The following SORCS3 variants were observed in gnomAD, a reference collection of about 807,000 sequenced individuals.
SORCS3 encodes sortilin related VPS10 domain containing receptor 3, also known as VPS10 domain-containing receptor SorCS3.
A neutral mutation model predicts 146.3 loss-of-function variants in SORCS3; 57 were observed. The ratio of observed to expected loss-of-function variants is 0.39; its 90% CI spans 0.31 to 0.49. The LOEUF is 0.49. Ranked by LOEUF, SORCS3 falls within the 20% of genes least tolerant of loss-of-function variation. The probability of loss-of-function intolerance (pLI) is 0.92; values close to 1 mark genes in which losing one functional copy is unlikely to be tolerated. For synonymous variants in SORCS3, 653 were observed against 618.5 expected (o/e 1.06, Z -0.83); for missense variants, 1,341 against 1,575.5 (o/e 0.85, Z 2.52).
chr10:104,765,669 A>T (rs1346473216), intron 1 of SORCS3, among the ~76,000 whole-genome samples: 2 of 152,220 alleles, frequency 1.3e-5, no homozygotes, highest in Non-Finnish European at 2.9e-5. Flanking sequence ...ATGCCGTTGG[A>T]TGGGGAGAAA....
At chr10:105,232,712 T>C (rs1213989516) in intron 20 of SORCS3, among the ~76,000 whole-genome samples, 1 of 152,082 alleles carries the variant, frequency 6.6e-6, no homozygotes, top group Non-Finnish European at 1.5e-5. Flanking sequence ...CCACAAATGT[T>C]AGATTTGTTA....
At chr10:104,807,183 CTGTGTGTGTGTGCGCA>C (rs1323051428) in intron 1 of SORCS3, among the ~76,000 whole-genome samples, 1 of 150,674 alleles carries the variant, frequency 6.6e-6, no homozygotes, top group Non-Finnish European at 1.5e-5. Context: ...TCCTTGCTCT[CTGTGTGTGTGTGCGCA>C]TGTGTGTGTG....
chr10:104,707,365 A>G (rs2016348040), intron 1 of SORCS3, among the ~76,000 whole-genome samples: 1 of 152,182 alleles, frequency 6.6e-6, no homozygotes. Flanking sequence ...TAAAAATGTG[A>G]TATTCTTATA....
At chr10:104,719,009 T>G (rs1349028166) in intron 1 of SORCS3, among the ~76,000 whole-genome samples, 1 of 152,178 alleles carries the variant, frequency 6.6e-6, no homozygotes, top group East Asian at 1.9e-4. Flanking sequence ...AAGAAACAAG[T>G]GAAATTAATT....
rs983764747 is a variant in SORCS3, at chr10:104,720,004, T to A, written c.627+78050T>A. 1.4e-4 allele frequency among the ~76,000 whole-genome samples: 22 copies of A among 152,134 alleles called. No homozygotes were observed. In the South Asian group the frequency reaches 4.0e-3, roughly 27 times the overall value. On this transcript the variant is annotated intron_variant, in intron 1 of 26. Transcript: ENST00000369701. Reference sequence around the variant, plus strand: ...TTTTTTTTTTTTTATACTTTAAGTTTTAGGGTACATGTGCACAACGTGCAG... The same window carrying A: ...TTTTTTTTTTTTTATACTTTAAGTTATAGGGTACATGTGCACAACGTGCAG...
intron 1 of SORCS3, among the ~76,000 whole-genome samples, chr10:104,750,252 A>G (rs893518207): frequency 7.2e-5 from 11 of 152,238 alleles, no homozygotes; most frequent in Admixed American, 5.9e-4. Context: ...TCATGCTAGC[A>G]TAAATCTTAC....
chr10:105,185,479 C>T (rs1389227246), intron 14 of SORCS3, among the ~76,000 whole-genome samples: 1 of 152,134 alleles, frequency 6.6e-6, no homozygotes, highest in Non-Finnish European at 1.5e-5. Flanking sequence ...CTCCGGCTGT[C>T]CCGTTTCACT....
At chr10:104,980,251 G>A (rs984203832) in intron 4 of SORCS3, among the ~76,000 whole-genome samples, 6 of 152,116 alleles carry the variant, frequency 3.9e-5, no homozygotes, top group East Asian at 3.9e-4. Flanking sequence ...CATCTTTTGC[G>A]TAAAGTGGCT....
intron 4 of SORCS3, among the ~76,000 whole-genome samples, chr10:104,990,303 G>A (rs1047368891): frequency 1.5e-4 from 23 of 152,146 alleles, no homozygotes; most frequent in Admixed American, 1.4e-3. Context: ...GGCCAGCTTC[G>A]TAGCACCACA....
At chr10:104,904,772 C>T (rs2018887135) in intron 2 of SORCS3, among the ~76,000 whole-genome samples, 1 of 137,022 alleles carries the variant, frequency 7.3e-6, no homozygotes, top group Admixed American at 6.9e-5. Context: ...TATGATGTGG[C>T]TATCTTGTGC....
At chr10:104,757,450 T>G (rs1023800862) in intron 1 of SORCS3, among the ~76,000 whole-genome samples, 1 of 152,216 alleles carries the variant, frequency 6.6e-6, no homozygotes, top group African/African-American at 2.4e-5. Context: ...CTTCAGACAC[T>G]AGGCAGGTAC....
intron 1 of SORCS3, among the ~76,000 whole-genome samples, chr10:104,651,235 T>G (rs972271069): frequency 2.6e-5 from 4 of 152,186 alleles, no homozygotes; most frequent in African/African-American, 9.7e-5. Context: ...GTTTGAAAGA[T>G]TTCTCAAAAC....
intron 3 of SORCS3, among the ~76,000 whole-genome samples, chr10:104,964,212 G>A (rs919620598): frequency 2.6e-5 from 4 of 152,170 alleles, no homozygotes; most frequent in Non-Finnish European, 4.4e-5. Context: ...TTGTGATAAA[G>A]CCAGAGTCCT....
chr10:105,168,352 C>T (rs537737437), intron 13 of SORCS3, among the ~76,000 whole-genome samples: 4 of 152,196 alleles, frequency 2.6e-5, no homozygotes, highest in East Asian at 1.9e-4. Flanking sequence ...ACGATGACAA[C>T]GATGACGACA....
chr10:104,722,940 C>A (rs2016569374), intron 1 of SORCS3, among the ~76,000 whole-genome samples: 1 of 152,126 alleles, frequency 6.6e-6, no homozygotes, highest in Non-Finnish European at 1.5e-5. Context: ...CTCCTGTATT[C>A]ATTAATTTTT....
chr10:104,738,197 A>G (rs1385664351), intron 1 of SORCS3, among the ~76,000 whole-genome samples: 1 of 152,226 alleles, frequency 6.6e-6, no homozygotes, highest in Non-Finnish European at 1.5e-5. Context: ...AGGTAGCCTG[A>G]TGTGACCGGC....
intron 20 of SORCS3, among the ~76,000 whole-genome samples, chr10:105,224,777 T>C (rs1210187959): frequency 6.6e-6 from 1 of 152,166 alleles, no homozygotes; most frequent in Non-Finnish European, 1.5e-5. Flanking sequence ...ATTTTGGTCA[T>C]TCTAATAGCC....
chr10:104,816,021 A>G (rs2017793896), intron 1 of SORCS3, among the ~76,000 whole-genome samples: 1 of 152,214 alleles, frequency 6.6e-6, no homozygotes, highest in African/African-American at 2.4e-5. Flanking sequence ...GAGGGATAGC[A>G]CTGTTATAAA....
chr10:104,738,221 C>T (rs2016799529), intron 1 of SORCS3, among the ~76,000 whole-genome samples: 1 of 152,124 alleles, frequency 6.6e-6, no homozygotes, highest in African/African-American at 2.4e-5. Context: ...GTTCTTTTGG[C>T]TTAGGATTGA....
Sources: allele counts gnomAD v4.1 joint callset (sites outside exome capture counted in the v4.1 genomes callset), GRCh38; gene constraint gnomAD v4.1.1; transcripts MANE v1.5; gene names NCBI Gene and HGNC (gene_info 2026-07-23, HGNC 2026-07-21).